The following SLC66A2 variants were observed in gnomAD, a reference collection of about 807,000 sequenced individuals.
SLC66A2 encodes PQ loop repeat containing 1.
In SLC66A2, 23 loss-of-function variants were observed where a neutral mutation model predicts 25.5. The ratio of observed to expected loss-of-function variants is 0.90; its 90% CI spans 0.65 to 1.28. The LOEUF is 1.28. Ranked by LOEUF, SLC66A2 falls within the 50% of genes most tolerant of loss-of-function variation. The pLI, the probability that SLC66A2 is intolerant of heterozygous loss-of-function variation, is 0.00. For missense variants in SLC66A2, 396 were observed against 373.1 expected (o/e 1.06, Z -0.51); for synonymous variants, 193 against 166.5 (o/e 1.16, Z -1.23).
At chr18:79,946,210 G>C (rs1488857821) in intron 2 of SLC66A2, among the ~76,000 whole-genome samples, 1 of 149,862 alleles carries the variant, frequency 6.7e-6, no homozygotes, top group Non-Finnish European at 1.5e-5. Flanking sequence ...GGTGCCCGGG[G>C]AGATAGTAAA....
At position 79,927,010 on chromosome 18, in the gene SLC66A2, C is replaced by T. The variant is rs1162902620; in HGVS notation, c.391+6959G>A. 6.6e-6 allele frequency among the ~76,000 whole-genome samples: 1 copy of T among 152,184 alleles called. No individual in the cohort carries two copies. Among genetic ancestry groups the T allele is most frequent in the Admixed American group, 6.5e-5 (1 of 15,270 alleles). Reference sequence around the variant, plus strand: ...TTTCAGTATTTTTAAAAATACAAATCGACTCTCCAGGAAAAAACAAAAAAA... The same window carrying T: ...TTTCAGTATTTTTAAAAATACAAATTGACTCTCCAGGAAAAAACAAAAAAA... On this transcript the variant is annotated intron_variant, in intron 4 of 5. Transcript: ENST00000397778. The surrounding 1 kb of genome is among the most constrained non-coding windows in gnomAD (Gnocchi z 6.2).
intron 3 of SLC66A2, among the ~76,000 whole-genome samples, chr18:79,939,045 C>T (rs371791687): frequency 2.6e-5 from 4 of 152,242 alleles, no homozygotes; most frequent in African/African-American, 9.6e-5. Flanking sequence ...TCTTTATAAT[C>T]AGACAACAAA....
chr18:79,915,204 G>C (rs559167071), intron 5 of SLC66A2, among the ~76,000 whole-genome samples: 16 of 152,158 alleles, frequency 1.1e-4, no homozygotes, highest in African/African-American at 3.4e-4. Flanking sequence ...AAAACCGCCC[G>C]ATGGTCACTC....
intron 5 of SLC66A2, among the ~76,000 whole-genome samples, chr18:79,916,595 T>C (rs1984194086): frequency 6.6e-6 from 1 of 152,202 alleles, no homozygotes; most frequent in African/African-American, 2.4e-5. Context: ...GTCTCCCAAG[T>C]AGACAGGCTT....
chr18:79,951,488 G>A (rs1270730981), intron 1 of SLC66A2, 93 bp downstream of exon 1: 2 of 152,002 alleles, frequency 1.3e-5, no homozygotes, highest in African/African-American at 2.4e-5. Flanking sequence ...CCAAGCCAGG[G>A]GACTGAAGGC....
chr18:79,940,034 G>A lies in SLC66A2; in HGVS notation c.337+3295C>T, dbSNP rs891764697. On this transcript the variant is annotated intron_variant, in intron 3 of 5. Coordinates refer to ENST00000397778, the MANE Select transcript of SLC66A2 (RefSeq NM_025078.5). The surrounding 1 kb of genome is among the most constrained non-coding windows in gnomAD (Gnocchi z 4.1). ...AGCAAATGTGGTACGTATACACCAC[G>A]GAACACTATGCAGCCATAAAAGAGA... 3.9e-5 allele frequency among the ~76,000 whole-genome samples: 6 copies of A among 152,294 alleles called. No individual in the cohort carries two copies. The East Asian group carries it at 5.8e-4, about 15-fold the overall frequency.
chr18:79,906,739 CT>C (rs1038501427), intron 5 of SLC66A2, among the ~76,000 whole-genome samples: 6 of 152,214 alleles, frequency 3.9e-5, no homozygotes, highest in Non-Finnish European at 8.8e-5. Context: ...ACTTTGTCTG[CT>C]TTTTCTATCA....
At chr18:79,943,570 G>A (rs554873781) in intron 2 of SLC66A2, 108 bp from the exon 3 acceptor site, 112 of 1,320,170 alleles carry the variant, frequency 8.5e-5, no homozygotes, top group Middle Eastern at 2.6e-4. Flanking sequence ...CACCCACGCC[G>A]CCCCTCCCAG....
chr18:79,922,107 C>T (rs922784948), intron 4 of SLC66A2, among the ~76,000 whole-genome samples: 1 of 151,804 alleles, frequency 6.6e-6, no homozygotes, highest in African/African-American at 2.4e-5. Context: ...CTTGATCATG[C>T]CCCCCTGAAG....
Position 79,940,030 on chromosome 18 carries a change from C to T in SLC66A2, c.337+3299G>A, listed in dbSNP as rs1465969929. Among the ~76,000 whole-genome samples, 1 of 152,142 alleles carries T rather than the reference C, an allele frequency of 6.6e-6. No homozygotes were observed. The highest frequency in any genetic ancestry group is 1.5e-5 in the Non-Finnish European group (1 of 68,038). On this transcript the variant is annotated intron_variant, in intron 3 of 5. Coordinates refer to ENST00000397778, the MANE Select transcript of SLC66A2 (RefSeq NM_025078.5). The surrounding 1 kb of genome is among the most constrained non-coding windows in gnomAD (Gnocchi z 4.1). ...ATGAAGCAAATGTGGTACGTATACA[C>T]CACGGAACACTATGCAGCCATAAAA...
rs768269773 is a variant in SLC66A2, at chr18:79,919,195, C to T, written c.597G>A (p.Thr199=). The T allele has an allele frequency of 5.8e-5, 93 of 1,613,126 alleles. No homozygotes were observed. The highest frequency in any genetic ancestry group is 1.1e-4 in the South Asian group (10 of 91,084). ...CATCCCCGGCCTACCTCATGCCCTC[C>T]GTGGACTGGTGGCGGTGGTTGCGGT... ...QLYRNHRHQS[T]EGMSIKMVLM... is the part of the protein sequence containing the mutation. Residue 199 remains threonine (T), a synonymous_variant, in exon 5 of 6, where the codon ACG becomes ACA. Coordinates refer to ENST00000397778, the MANE Select transcript of SLC66A2 (RefSeq NM_025078.5).
intron 4 of SLC66A2, chr18:79,930,392 T>A (rs1349570371): frequency 2.0e-5 from 3 of 151,912 alleles, no homozygotes; most frequent in Non-Finnish European, 2.9e-5. Context: ...AAACAAAGAT[T>A]CCCAGATAAA....
In SLC66A2 at chr18:79,903,172, T is replaced by G. The variant is rs1439193213; in HGVS notation, c.*804A>C. ...CAGAGCCCAAGAGTGGCGTGCAGAC[T>G]GCATGTGCACAGCCTCAGCCCGGCC... On this transcript the variant is annotated 3_prime_UTR_variant, in exon 6 of 6. Coordinates refer to ENST00000397778, the MANE Select transcript of SLC66A2 (RefSeq NM_025078.5). The G allele has an allele frequency of 6.6e-6, 1 of 152,342 alleles. No individual in the cohort carries two copies. The highest frequency in any genetic ancestry group is 1.5e-5 in the Non-Finnish European group (1 of 68,130). 9.4% of individuals were successfully genotyped at this position (152,342 alleles called of 1,614,324 possible).
chr18:79,919,120 C>T (rs1984652839), intron 5 of SLC66A2, 64 bp downstream of exon 5: 3 of 1,443,236 alleles, frequency 2.1e-6, no homozygotes, highest in Non-Finnish European at 9.7e-7. Context: ...TGATTTTTAC[C>T]AAATCTGCAG....
intron 4 of SLC66A2, among the ~76,000 whole-genome samples, chr18:79,925,340 AC>A (rs1478985971): frequency 6.6e-6 from 1 of 152,200 alleles, no homozygotes; most frequent in Non-Finnish European, 1.5e-5. Context: ...TAGGATGCAC[AC>A]CCGTGGTCAC....
Position 79,919,199 on chromosome 18 carries a change from G to C in SLC66A2, c.593C>G (p.Ser198Cys), listed in dbSNP as rs747389517. ...PQLYRNHRHQ[S>C]TEGMSIKMVL... ...CCCGGCCTACCTCATGCCCTCCGTGGACTGGTGGCGGTGGTTGCGGTAAAG... is the reference window on the plus strand; with the variant it reads ...CCCGGCCTACCTCATGCCCTCCGTGCACTGGTGGCGGTGGTTGCGGTAAAG... Residue 198 changes from serine to cysteine, a missense_variant, in exon 5 of 6, where the codon TCC (serine) becomes TGC (cysteine). Transcript: ENST00000397778. The C allele has an allele frequency of 6.2e-7, 1 of 1,613,000 alleles. No homozygotes were observed. Among genetic ancestry groups the C allele is most frequent in the Non-Finnish European group, 8.5e-7 (1 of 1,179,994 alleles).
At position 79,918,915 on chromosome 18, in the gene SLC66A2, G is replaced by A. The variant is rs1984623417; in HGVS notation, c.608+269C>T. ...CAGGCACTCGGACATCCCTCCCACTGGAAGGTTCCGTCTCAACGGCCCTGA... is the reference window on the plus strand; with the variant it reads ...CAGGCACTCGGACATCCCTCCCACTAGAAGGTTCCGTCTCAACGGCCCTGA... On this transcript the variant is annotated intron_variant, in intron 5 of 5. Coordinates refer to ENST00000397778, the MANE Select transcript of SLC66A2 (RefSeq NM_025078.5). This position sits in a 1 kb window ranked among gnomAD's most constrained non-coding sequence, Gnocchi z 4.0. Among the ~76,000 whole-genome samples the A allele has an allele frequency of 1.3e-5, 2 of 152,204 alleles. No homozygotes were observed. The highest frequency in any genetic ancestry group is 4.8e-5 in the African/African-American group (2 of 41,446).
chr18:79,932,820 C>T (rs922713888), intron 4 of SLC66A2, among the ~76,000 whole-genome samples: 2 of 152,160 alleles, frequency 1.3e-5, no homozygotes, highest in African/African-American at 4.8e-5. Context: ...TTTAAAACTT[C>T]CCACAAAGAA....
chr18:79,930,194 G>T (rs1387155789), intron 4 of SLC66A2: 2 of 152,074 alleles, frequency 1.3e-5, no homozygotes, highest in Admixed American at 1.3e-4. Context: ...ACAAAATCTT[G>T]AAAGTAGCAA....
Sources: gnomAD v4.1 joint callset for allele counts (sites outside exome capture counted in the v4.1 genomes callset) on GRCh38, gnomAD v4.1.1 for gene constraint, Gnocchi (gnomAD v3.1) non-coding constraint, MANE v1.5 for transcripts, NCBI Gene and HGNC (gene_info 2026-07-23, HGNC 2026-07-21) for gene names.